The following ATXN10 variants were observed in gnomAD, a reference collection of about 807,000 sequenced individuals.
ATXN10 encodes the protein ataxin 10, also known as ataxin-10.
ATXN10 carries 28 observed loss-of-function variants against 52.9 expected under a neutral mutation model. The ratio of observed to expected loss-of-function variants is 0.53; its 90% CI spans 0.39 to 0.73. The LOEUF is 0.73. ATXN10 is among the 30% of genes least tolerant of loss of function. The pLI is 0.00. For missense variants in ATXN10, 565 were observed against 577.0 expected, an observed-to-expected ratio of 0.98 and a Z score of 0.21; for synonymous variants, 226 against 221.5, an observed-to-expected ratio of 1.02 and a Z score of -0.18.
intron 1 of ATXN10, chr22:45,689,406 G>A: frequency 2.5e-6 from 1 of 404,706 alleles, no homozygotes; most frequent in South Asian, 2.3e-5. Flanking sequence ...CTGGCTGAGT[G>A]ATTTGTGCAA....
chr22:45,698,245 T>C (rs754441297), intron 3 of ATXN10, among the ~76,000 whole-genome samples: 15 of 152,328 alleles, frequency 9.8e-5, no homozygotes, highest in Non-Finnish European at 2.1e-4. Flanking sequence ...CTGAATCATA[T>C]GACTTTTCAC....
rs891076257 is a variant in ATXN10, at chr22:45,784,713, G to A, written c.1174-22246G>A. On this transcript the variant is annotated intron_variant, in intron 9 of 11. Coordinates refer to ENST00000252934, the MANE Select transcript of ATXN10 (RefSeq NM_013236.4). The surrounding 1 kb of genome is among the most constrained non-coding windows in gnomAD (Gnocchi z 4.2). ...CTCATGGCTATTCTTACACATTCCA[G>A]ATAGTCATTCTGAGGGCTGCTGTGT... Among the ~76,000 whole-genome samples, 1 of 152,212 alleles carries A rather than the reference G, an allele frequency of 6.6e-6. No homozygotes were observed. The highest frequency in any genetic ancestry group is 2.4e-5 in the African/African-American group (1 of 41,458).
At chr22:45,745,004 C>T (rs1372444432) in intron 9 of ATXN10, among the ~76,000 whole-genome samples, 1 of 152,104 alleles carries the variant, frequency 6.6e-6, no homozygotes, top group Admixed American at 6.6e-5. Flanking sequence ...TCTATTCTTA[C>T]CTTGTTTTTT....
intron 10 of ATXN10, among the ~76,000 whole-genome samples, chr22:45,839,664 T>C (rs747050855): frequency 2.0e-5 from 3 of 152,252 alleles, no homozygotes; most frequent in Non-Finnish European, 2.9e-5. Context: ...CAAAACGTGA[T>C]AGAAATGTTG....
chr22:45,740,733 CACA>C (rs1925492898), intron 9 of ATXN10, 195 bp downstream of exon 9: 1 of 397,824 alleles, frequency 2.5e-6, no homozygotes, highest in Admixed American at 4.1e-5. Context: ...TATATACACA[CACA>C]CACGTGTGTG....
At chr22:45,709,177 C>G (rs972971392) in intron 5 of ATXN10, among the ~76,000 whole-genome samples, 2 of 152,206 alleles carry the variant, frequency 1.3e-5, no homozygotes, top group African/African-American at 2.4e-5. Context: ...TGCCCCTCTT[C>G]TGTTCGCGCA....
chr22:45,736,166 A>G (rs183991657), intron 7 of ATXN10, among the ~76,000 whole-genome samples: 25 of 152,228 alleles, frequency 1.6e-4, no homozygotes, highest in African/African-American at 1.9e-4. Context: ...TTTCAAACAT[A>G]GACTAAGAAG....
rs1240612003 is a variant in ATXN10, at chr22:45,780,023, A to G, written c.1174-26936A>G. Among the ~76,000 whole-genome samples the G allele has an allele frequency of 1.3e-5, 2 of 152,188 alleles. No homozygotes were observed. The highest frequency in any genetic ancestry group is 2.9e-5 in the Non-Finnish European group (2 of 68,042). On this transcript the variant is annotated intron_variant, in intron 9 of 11. Coordinates refer to ENST00000252934, the MANE Select transcript of ATXN10 (RefSeq NM_013236.4). The surrounding 1 kb of genome is among the most constrained non-coding windows in gnomAD (Gnocchi z 4.0). ...AAGTTAATGTTTTTAATATCTAAGTATTCTACATTCGTGAAATTCCAAATA... is the reference window on the plus strand; with the variant it reads ...AAGTTAATGTTTTTAATATCTAAGTGTTCTACATTCGTGAAATTCCAAATA...
chr22:45,838,666 T>C, intron 10 of ATXN10, among the ~76,000 whole-genome samples: 1 of 152,204 alleles, frequency 6.6e-6, no homozygotes, highest in Non-Finnish European at 1.5e-5. Context: ...TTAATCTCTC[T>C]CGTGACACTT....
At chr22:45,689,955 T>A in intron 2 of ATXN10, 52 bp downstream of exon 2, 1 of 1,580,528 alleles carries the variant, frequency 6.3e-7, no homozygotes, top group Non-Finnish European at 8.7e-7. Flanking sequence ...TGCATGCTGG[T>A]TCTGTCATTT....
rs575876900 is a variant in ATXN10 at position 45,784,614 on chromosome 22, T to A, written c.1174-22345T>A. 5.3e-5 allele frequency among the ~76,000 whole-genome samples: 8 copies of A among 152,210 alleles called. No homozygotes were observed. The highest frequency in any genetic ancestry group is 1.7e-4 in the African/African-American group (7 of 41,542). On this transcript the variant is annotated intron_variant, in intron 9 of 11. Transcript: ENST00000252934. This position sits in a 1 kb window ranked among gnomAD's most constrained non-coding sequence, Gnocchi z 4.2. ...ACGGGAGAAGGGACAGGAGGCTGGC[T>A]TCCTGTGGGCTCGCCTGTCGACCCC...
In ATXN10 at chr22:45,774,658, C is replaced by T. The variant is rs781568624; in HGVS notation, c.1174-32301C>T. 2.0e-5 allele frequency among the ~76,000 whole-genome samples: 3 copies of T among 151,844 alleles called. No individual in the cohort carries two copies. The highest frequency in any genetic ancestry group is 2.1e-4 in the South Asian group (1 of 4,812). On this transcript the variant is annotated intron_variant, in intron 9 of 11. Transcript: ENST00000252934. The surrounding 1 kb of genome is among the most constrained non-coding windows in gnomAD (Gnocchi z 6.2). Reference sequence around the variant, plus strand: ...ACAAAATAAAGGCAGGGGGGCTGGACGCGGTGGCTCACGCTTATAATCCTA... The same window carrying T: ...ACAAAATAAAGGCAGGGGGGCTGGATGCGGTGGCTCACGCTTATAATCCTA...
rs1255246034 is a variant in ATXN10 at position 45,826,365 on chromosome 22, G to A, written c.1238-16626G>A. 2.6e-5 allele frequency among the ~76,000 whole-genome samples: 4 copies of A among 152,114 alleles called. No individual in the cohort carries two copies. Among genetic ancestry groups the A allele is most frequent in the African/African-American group, 9.7e-5 (4 of 41,406 alleles). ...GTGGGAAACAAGGAAAAAGAGAAAA[G>A]GGCAGAGAGAATATCTGAAGAAATA... On this transcript the variant is annotated intron_variant, in intron 10 of 11. Transcript: ENST00000252934. The surrounding 1 kb of genome is among the most constrained non-coding windows in gnomAD (Gnocchi z 5.0).
intron 9 of ATXN10, among the ~76,000 whole-genome samples, chr22:45,799,551 A>G (rs1927865335): frequency 6.6e-6 from 1 of 152,180 alleles, no homozygotes. Flanking sequence ...TCTAAAAACC[A>G]AGGACACCAA....
intron 9 of ATXN10, among the ~76,000 whole-genome samples, chr22:45,797,351 A>G (rs935306413): frequency 1.3e-5 from 2 of 152,380 alleles, no homozygotes; most frequent in African/African-American, 4.8e-5. Flanking sequence ...GAAGAACTGA[A>G]AACATAGACT....
intron 5 of ATXN10, among the ~76,000 whole-genome samples, chr22:45,711,428 C>T (rs935403660): frequency 2.6e-5 from 4 of 152,120 alleles, no homozygotes; most frequent in Admixed American, 6.5e-5. Context: ...ACCGTTCTGG[C>T]TCTCACCTGT....
chr22:45,686,419 A>G (rs1021969656), intron 1 of ATXN10, among the ~76,000 whole-genome samples: 1 of 152,216 alleles, frequency 6.6e-6, no homozygotes, highest in Non-Finnish European at 1.5e-5. Context: ...TCTGATGTGG[A>G]CAAGTTATTC....
At chr22:45,791,140 A>G (rs1449027430) in intron 9 of ATXN10, among the ~76,000 whole-genome samples, 1 of 152,030 alleles carries the variant, frequency 6.6e-6, no homozygotes, top group Non-Finnish European at 1.5e-5. Context: ...ACTCCAAAAA[A>G]CATTACTGTT....
intron 10 of ATXN10, among the ~76,000 whole-genome samples, chr22:45,838,676 T>G (rs909070311): frequency 2.0e-5 from 3 of 152,218 alleles, no homozygotes; most frequent in Admixed American, 2.0e-4. Context: ...TCGTGACACT[T>G]CAGACTGTCT....
Sources: gnomAD v4.1 joint callset for allele counts (sites outside exome capture counted in the v4.1 genomes callset) on GRCh38, gnomAD v4.1.1 for gene constraint, Gnocchi (gnomAD v3.1) non-coding constraint, MANE v1.5 for transcripts, NCBI Gene and HGNC (gene_info 2026-07-23, HGNC 2026-07-21) for gene names.